OSTF1: variants seen among roughly 807,000 people sequenced by gnomAD.
OSTF1 encodes the protein osteoclast stimulating factor 1, also known as osteoclast-stimulating factor 1.
Under a neutral mutation model 37.2 loss-of-function variants are expected in OSTF1, and 27 were observed. That is an observed-to-expected ratio of 0.73 (90% CI 0.54 to 1.00). The LOEUF is 1.00. Among genes scored for constraint, OSTF1 ranks in the 50% least tolerant of loss-of-function variants. OSTF1 has a pLI of 0.00. For synonymous variants in OSTF1, 82 were observed against 89.2 expected (o/e 0.92, Z 0.46); for missense variants, 232 against 253.8 (o/e 0.91, Z 0.58).
At chr9:75,140,732 A>G in intron 8 of OSTF1, 102 bp from the exon 9 acceptor site, 1 of 694,834 alleles carries the variant, frequency 1.4e-6, no homozygotes, top group Non-Finnish European at 2.6e-6. Context: ...AGAGTTGTTC[A>G]CTAGTTTATT....
chr9:75,130,755 A>T (rs1356274332), intron 4 of OSTF1, 114 bp downstream of exon 4: 10 of 709,368 alleles, frequency 1.4e-5, no homozygotes, highest in Admixed American at 4.0e-5. Context: ...TTGTCAGTCT[A>T]GGACATTTTC....
intron 2 of OSTF1, among the ~76,000 whole-genome samples, chr9:75,127,328 A>G (rs1269926493): frequency 1.3e-5 from 2 of 152,236 alleles, no homozygotes; most frequent in African/African-American, 2.4e-5. Flanking sequence ...GTTGTAGAAG[A>G]ATGCAAGATG....
intron 9 of OSTF1, among the ~76,000 whole-genome samples, chr9:75,144,445 G>A (rs1451589318): frequency 6.6e-6 from 1 of 152,136 alleles, no homozygotes; most frequent in African/African-American, 2.4e-5. Flanking sequence ...TTAGCTACTT[G>A]GGAGGCTGAG....
intron 2 of OSTF1, among the ~76,000 whole-genome samples, chr9:75,125,328 A>G (rs1301396507): frequency 6.6e-6 from 1 of 152,162 alleles, no homozygotes; most frequent in Non-Finnish European, 1.5e-5. Flanking sequence ...TAAAGGAAAT[A>G]GTTTGTTTAC....
intron 1 of OSTF1, among the ~76,000 whole-genome samples, chr9:75,112,106 G>A (rs1005025790): frequency 1.4e-4 from 20 of 141,144 alleles, no homozygotes; most frequent in Middle Eastern, 3.6e-3. Flanking sequence ...ATGAGCCACC[G>A]CACTCAGCCT....
chr9:75,113,939 C>G (rs1377799911), intron 1 of OSTF1, among the ~76,000 whole-genome samples: 3 of 152,144 alleles, frequency 2.0e-5, no homozygotes, highest in Non-Finnish European at 4.4e-5. Context: ...CCAGCATCCC[C>G]CCAAGTCTCC....
At chr9:75,136,256 A>G (rs565968528) in intron 7 of OSTF1, among the ~76,000 whole-genome samples, 3 of 152,274 alleles carry the variant, frequency 2.0e-5, no homozygotes, top group East Asian at 1.9e-4. Context: ...TATAATATTT[A>G]TAACTTTTCA....
chr9:75,099,425 A>AT lies in OSTF1; in HGVS notation c.34+10707dup, dbSNP rs1428109626. Among the ~76,000 whole-genome samples the AT allele has an allele frequency of 4.0e-5, 6 of 151,494 alleles. No individual in the cohort carries two copies. The East Asian group carries it at 7.8e-4, about 20-fold the overall frequency. Reference sequence around the variant, plus strand: ...TGCTGCCAAGCCCAACTATTTAAACATTTTTTTTGTACAGATGGGGTCCCA... The same window carrying AT: ...TGCTGCCAAGCCCAACTATTTAAACATTTTTTTTTGTACAGATGGGGTCCCA... On this transcript the variant is annotated intron_variant, in intron 1 of 9. Coordinates refer to ENST00000346234, the MANE Select transcript of OSTF1 (RefSeq NM_012383.5).
intron 7 of OSTF1, among the ~76,000 whole-genome samples, chr9:75,135,889 A>C (rs557730615): frequency 2.6e-5 from 4 of 152,330 alleles, no homozygotes; most frequent in East Asian, 3.9e-4. Flanking sequence ...CCCTCTCTGT[A>C]GACAGCTCAC....
chr9:75,099,910 C>T (rs1443581503), intron 1 of OSTF1, among the ~76,000 whole-genome samples: 1 of 152,084 alleles, frequency 6.6e-6, no homozygotes, highest in Non-Finnish European at 1.5e-5. Flanking sequence ...TAGAATTATA[C>T]TTACGGGAAT....
At chr9:75,126,835 C>T (rs1384784932) in intron 2 of OSTF1, among the ~76,000 whole-genome samples, 1 of 152,204 alleles carries the variant, frequency 6.6e-6, no homozygotes, top group African/African-American at 2.4e-5. Context: ...TTGTGAACCA[C>T]CTGCCTTGGT....
intron 9 of OSTF1, among the ~76,000 whole-genome samples, chr9:75,141,825 GC>G (rs1825949322): frequency 6.6e-6 from 1 of 152,144 alleles, no homozygotes; most frequent in Non-Finnish European, 1.5e-5. Context: ...ATAGCTCACT[GC>G]AGCCTCAAAC....
chr9:75,137,305 G>T (rs180820194), intron 7 of OSTF1, among the ~76,000 whole-genome samples: 43 of 152,068 alleles, frequency 2.8e-4, no homozygotes, highest in African/African-American at 9.4e-4. Flanking sequence ...TTTTCAGCTC[G>T]TGCTCCACCA....
At chr9:75,099,854 C>T (rs1193778135) in intron 1 of OSTF1, among the ~76,000 whole-genome samples, 2 of 151,920 alleles carry the variant, frequency 1.3e-5, no homozygotes, top group African/African-American at 2.4e-5. Context: ...GTTGGGATTA[C>T]CAGCATGACC....
intron 1 of OSTF1, among the ~76,000 whole-genome samples, chr9:75,108,418 T>G (rs1173220950): frequency 1.3e-5 from 2 of 151,984 alleles, no homozygotes; most frequent in Non-Finnish European, 2.9e-5. Context: ...TCTTCAATTT[T>G]TCCCCAAGAA....
In OSTF1 at chr9:75,090,818, A is replaced by G. The variant is rs549629518; in HGVS notation, c.34+2092A>G. On this transcript the variant is annotated intron_variant, in intron 1 of 9. Coordinates refer to ENST00000346234, the MANE Select transcript of OSTF1 (RefSeq NM_012383.5). ...CAAGACCCCGTCTCAACAGAGTACA[A>G]AAAACAAAAACAGAAATGTCCTATC... 1.3e-5 allele frequency among the ~76,000 whole-genome samples: 2 copies of G among 152,296 alleles called. 1 individual carries two copies. The highest frequency in any genetic ancestry group is 4.1e-4 in the South Asian group (2 of 4,826).
chr9:75,126,415 A>T (rs541296378), intron 2 of OSTF1, among the ~76,000 whole-genome samples: 2 of 152,264 alleles, frequency 1.3e-5, no homozygotes, highest in Non-Finnish European at 2.9e-5. Flanking sequence ...TTTGTGTCCT[A>T]CATTTTTCAT....
chr9:75,095,826 C>G (rs1276508275), intron 1 of OSTF1, among the ~76,000 whole-genome samples: 3 of 151,986 alleles, frequency 2.0e-5, no homozygotes, highest in African/African-American at 7.2e-5. Flanking sequence ...TAGTTTAGGG[C>G]AACGAGTTGA....
chr9:75,099,830 G>GA (rs34177782), intron 1 of OSTF1, among the ~76,000 whole-genome samples: 82 of 143,478 alleles, frequency 5.7e-4, no homozygotes, highest in African/African-American at 9.7e-4. Flanking sequence ...CTCTGTTTCA[G>GA]AAAAAAAAAA....
Sources: gnomAD v4.1 joint callset for allele counts (sites outside exome capture counted in the v4.1 genomes callset) on GRCh38, gnomAD v4.1.1 for gene constraint, MANE v1.5 for transcripts, NCBI Gene and HGNC (gene_info 2026-07-23, HGNC 2026-07-21) for gene names.